Variants in BMPR2 observed in about 807,000 individuals in gnomAD.
BMPR2 encodes the protein bone morphogenetic protein receptor type-2.
Under a neutral mutation model 100.8 loss-of-function variants are expected in BMPR2, and 29 were observed. That is an observed-to-expected ratio of 0.29 (90% CI 0.21 to 0.39). The LOEUF (loss-of-function observed/expected upper bound fraction) is 0.39, where lower values mean the gene tolerates loss of function less well. Among genes scored for constraint, BMPR2 ranks in the 10% least tolerant of loss-of-function variants. BMPR2 has a pLI of 1.00. For synonymous variants in BMPR2, 382 were observed against 442.3 expected (o/e 0.86, Z 1.71); for missense variants, 1,011 against 1,274.5 (o/e 0.79, Z 3.15).
In BMPR2 at chr2:202,433,253, ATAGG is replaced by A. The variant is rs549164375; in HGVS notation, c.77-31536_77-31533del. Among the ~76,000 whole-genome samples the A allele has an allele frequency of 6.9e-4, 104 of 150,552 alleles. 6 individuals carry two copies. Among genetic ancestry groups the A allele is most frequent in the African/African-American group, 1.5e-3 (61 of 39,918 alleles). On this transcript the variant is annotated intron_variant, in intron 1 of 12. Coordinates refer to ENST00000374580, the MANE Select transcript of BMPR2 (RefSeq NM_001204.7). ...AAACAGAACCAATAGGAGTAAGTAG[ATAGG>A]TAGGTAGGTAGGTAGGTAGATAGAT...
chr2:202,438,605 G>T (rs555682993), intron 1 of BMPR2, among the ~76,000 whole-genome samples: 2 of 150,430 alleles, frequency 1.3e-5, no homozygotes, highest in Non-Finnish European at 2.9e-5. Flanking sequence ...TACGTTTTGC[G>T]TTTCTGATCC....
chr2:202,414,675 A>G (rs1246691272), intron 1 of BMPR2, among the ~76,000 whole-genome samples: 1 of 152,232 alleles, frequency 6.6e-6, no homozygotes, highest in Non-Finnish European at 1.5e-5. Flanking sequence ...GTCTGGATAG[A>G]TTAAACTAAC....
At chr2:202,548,593 A>G (rs1688417153) in intron 10 of BMPR2, among the ~76,000 whole-genome samples, 1 of 152,182 alleles carries the variant, frequency 6.6e-6, no homozygotes, top group Non-Finnish European at 1.5e-5. Flanking sequence ...GTTTTAAACC[A>G]CTGAGCTGAT....
At chr2:202,514,109 C>T (rs1415786046) in intron 4 of BMPR2, among the ~76,000 whole-genome samples, 1 of 151,704 alleles carries the variant, frequency 6.6e-6, no homozygotes, top group Non-Finnish European at 1.5e-5. Context: ...CTCTACAATA[C>T]AAGAGCTTTT....
chr2:202,475,322 C>A (rs1460154815), intron 3 of BMPR2, among the ~76,000 whole-genome samples: 1 of 152,092 alleles, frequency 6.6e-6, no homozygotes, highest in Non-Finnish European at 1.5e-5. Context: ...GCGTGAGTCA[C>A]CACGCCCGGC....
At chr2:202,449,835 C>T (rs1342860128) in intron 1 of BMPR2, among the ~76,000 whole-genome samples, 5 of 152,114 alleles carry the variant, frequency 3.3e-5, no homozygotes, top group East Asian at 1.9e-4. Flanking sequence ...CGGTGGCTCA[C>T]GCCTGTAATC....
At position 202,433,709 on chromosome 2, in the gene BMPR2, AC is replaced by A. The variant is rs1341003394; in HGVS notation, c.77-31098del. Reference sequence around the variant, plus strand: ...CGGATCACGAGGTCAAGAGATCAAGACCATCCTGGCCAACATGGTGTAACCC... The same window carrying A: ...CGGATCACGAGGTCAAGAGATCAAGACATCCTGGCCAACATGGTGTAACCC... On this transcript the variant is annotated intron_variant, in intron 1 of 12. Transcript: ENST00000374580. Among the ~76,000 whole-genome samples, 16 of 150,462 alleles carry A rather than the reference AC, an allele frequency of 1.1e-4. 2 individuals are homozygous for A. Among genetic ancestry groups the A allele is most frequent in the African/African-American group, 4.0e-4 (16 of 39,818 alleles).
intron 1 of BMPR2, among the ~76,000 whole-genome samples, chr2:202,404,439 G>T (rs541054377): frequency 6.6e-6 from 1 of 151,952 alleles, no homozygotes; most frequent in Non-Finnish European, 1.5e-5. Flanking sequence ...CAGGTGATTC[G>T]CCCGCCTTGG....
chr2:202,476,805 T>G (rs1274365880), intron 3 of BMPR2, among the ~76,000 whole-genome samples: 1 of 151,964 alleles, frequency 6.6e-6, no homozygotes, highest in Non-Finnish European at 1.5e-5. Flanking sequence ...TAAAATAAGT[T>G]AAATAATAGT....
At chr2:202,486,624 C>CA (rs200186562) in intron 3 of BMPR2, among the ~76,000 whole-genome samples, 24,754 of 113,342 alleles carry the variant, frequency 0.22, 2,318 homozygotes, top group Middle Eastern at 0.3. Flanking sequence ...AGACTGTCTC[C>CA]AAAAAAAAAA....
intron 1 of BMPR2, among the ~76,000 whole-genome samples, chr2:202,457,719 T>C (rs781022765): frequency 6.6e-6 from 1 of 151,958 alleles, no homozygotes; most frequent in Non-Finnish European, 1.5e-5. Context: ...AAGACATAGA[T>C]TGCAAGTTTG....
intron 1 of BMPR2, among the ~76,000 whole-genome samples, chr2:202,388,600 C>T (rs1304208407): frequency 2.6e-5 from 4 of 151,094 alleles, no homozygotes; most frequent in African/African-American, 7.3e-5. Context: ...CTGGCTAACA[C>T]GGTGAAACCC....
intron 7 of BMPR2, among the ~76,000 whole-genome samples, chr2:202,527,453 C>CA (rs1687937547): frequency 6.6e-6 from 1 of 150,774 alleles, no homozygotes; most frequent in South Asian, 2.1e-4. Flanking sequence ...GCCGCCACTG[C>CA]ACTCCAGCCT....
intron 1 of BMPR2, among the ~76,000 whole-genome samples, chr2:202,461,789 T>C (rs1692229714): frequency 6.6e-6 from 1 of 152,178 alleles, no homozygotes; most frequent in Non-Finnish European, 1.5e-5. Context: ...AAAAATGACA[T>C]CCCTTTGACA....
chr2:202,550,649 GTGCCTTAGTCAGGCACAGTGGTACT>G (rs1363383520), intron 10 of BMPR2, among the ~76,000 whole-genome samples: 3 of 151,958 alleles, frequency 2.0e-5, no homozygotes, highest in African/African-American at 7.3e-5. Flanking sequence ...TGGCACAGTG[GTGCCTTAGTCAGGCACAGTGGTACT>G]TGCCTGTCGT....
At chr2:202,397,494 G>GT (rs1202745785) in intron 1 of BMPR2, among the ~76,000 whole-genome samples, 28 of 143,782 alleles carry the variant, frequency 1.9e-4, no homozygotes, top group African/African-American at 2.5e-4. Flanking sequence ...GTAAGTGTAG[G>GT]TTTTTTTTTG....
rs1228501974 is a variant in BMPR2, at chr2:202,424,939, A to AGTGTCT, written c.77-39870_77-39869insGTGTCT. ...TTAAGACAACTTCAAGACAAATTTT[A>AGTGTCT]AGAGATTAATTGAGCAAACATTTTT... On this transcript the variant is annotated intron_variant, in intron 1 of 12. Coordinates refer to ENST00000374580, the MANE Select transcript of BMPR2 (RefSeq NM_001204.7). 2.5e-3 allele frequency among the ~76,000 whole-genome samples: 387 copies of AGTGTCT among 152,222 alleles called. 1 individual carries two copies. Among genetic ancestry groups the AGTGTCT allele is most frequent in the African/African-American group, 9.0e-3 (373 of 41,560 alleles).
intron 3 of BMPR2, among the ~76,000 whole-genome samples, chr2:202,504,321 C>T (rs940703195): frequency 5.3e-5 from 8 of 152,046 alleles, no homozygotes; most frequent in Non-Finnish European, 7.4e-5. Context: ...TAACACTCCC[C>T]GCAAAGGTCT....
At chr2:202,410,427 A>G (rs558142405) in intron 1 of BMPR2, among the ~76,000 whole-genome samples, 83 of 152,356 alleles carry the variant, frequency 5.4e-4, no homozygotes, top group Non-Finnish European at 9.6e-4. Flanking sequence ...ATAGGGGCAT[A>G]TGAAAGGATC....
Sources: allele counts gnomAD v4.1 joint callset (sites outside exome capture counted in the v4.1 genomes callset), GRCh38; gene constraint gnomAD v4.1.1; transcripts MANE v1.5; gene names NCBI Gene and HGNC (gene_info 2026-07-23, HGNC 2026-07-21).